Variants in ZFP3 observed in about 807,000 individuals in gnomAD.
ZFP3 encodes the protein zinc finger protein 3 homolog.
ZFP3 carries 18 observed loss-of-function variants against 36.7 expected under a neutral mutation model. The observed-to-expected ratio is 0.49, with a 90% CI of 0.34 to 0.73. The LOEUF (loss-of-function observed/expected upper bound fraction) is 0.73, where lower values mean the gene tolerates loss of function less well. Ranked by LOEUF, ZFP3 falls within the 30% of genes least tolerant of loss-of-function variation. The pLI, the probability that ZFP3 is intolerant of heterozygous loss-of-function variation, is 0.01. For missense variants in ZFP3, 495 were observed against 599.0 expected (o/e 0.83, Z 1.81); for synonymous variants, 218 against 199.0 (o/e 1.10, Z -0.81).
chr17:5,089,499 G>C (rs1380485272), intron 1 of ZFP3, among the ~76,000 whole-genome samples: 1 of 152,148 alleles, frequency 6.6e-6, no homozygotes, highest in Non-Finnish European at 1.5e-5. Flanking sequence ...AAATTAAAAA[G>C]CTGGGGAATG....
At position 5,092,716 on chromosome 17, in the gene ZFP3, G is replaced by A. The variant is rs1255689251; in HGVS notation, c.1212G>A (p.Arg404=). ...TTGAGTGTGGAAAGGCTTTCAGGCG[G>A]ACCTCTCACCTTATTGTCCACCAGA... The part of the protein sequence containing the change: ...ECFECGKAFR[R]TSHLIVHQRI... The change falls in exon 2 of 2, where the codon CGG becomes CGA. Residue 404 remains arginine, a synonymous_variant. Coordinates refer to ENST00000318833, the MANE Select transcript of ZFP3 (RefSeq NM_153018.3). This position sits in a 1 kb window ranked among gnomAD's most constrained non-coding sequence, Gnocchi z 5.0. 1 of 1,613,918 alleles carries A rather than the reference G, an allele frequency of 6.2e-7. No homozygotes were observed. The highest frequency in any genetic ancestry group is 8.5e-7 in the Non-Finnish European group (1 of 1,179,988).
Position 5,092,016 on chromosome 17 carries a change from G to A in ZFP3, c.512G>A (p.Cys171Tyr), listed in dbSNP as rs1373535617. 1.2e-6 allele frequency: 2 copies of A among 1,614,210 alleles called. No individual in the cohort carries two copies. Among genetic ancestry groups the A allele is most frequent in the Admixed American group, 3.3e-5 (2 of 60,028 alleles). The change falls in exon 2 of 2, where the codon TGT becomes TAT. Residue 171 changes from cysteine to tyrosine, a missense_variant. Transcript: ENST00000318833. This position sits in a 1 kb window ranked among gnomAD's most constrained non-coding sequence, Gnocchi z 5.0. ...CATAGTGGAGAAAAACCCTTTGAATGTAAAGAATGTGGAAAGACATTTGGA... is the reference window on the plus strand; with the variant it reads ...CATAGTGGAGAAAAACCCTTTGAATATAAAGAATGTGGAAAGACATTTGGA... ...RVHSGEKPFE[C>Y]KECGKTFGTN...
chr17:5,081,736 G>A (rs1309387460), intron 1 of ZFP3, among the ~76,000 whole-genome samples: 1 of 151,606 alleles, frequency 6.6e-6, no homozygotes, highest in Non-Finnish European at 1.5e-5. Flanking sequence ...CGAGTAGCTG[G>A]GACTACAGGT....
rs1275936825 is a variant in ZFP3, at chr17:5,092,596, C to G, written c.1092C>G (p.Pro364=). The part of the protein sequence containing the change: ...RHIRIHTGEK[P]YVCKECGKAF... ...TTAGAATTCATACTGGTGAGAAGCC[C>G]TATGTATGTAAGGAATGTGGGAAGG... The change falls in exon 2 of 2, where the codon CCC becomes CCG. Residue 364 remains proline, a synonymous_variant. Transcript: ENST00000318833. The surrounding 1 kb of genome is among the most constrained non-coding windows in gnomAD (Gnocchi z 5.0). 2 of 1,613,672 alleles carry G rather than the reference C, an allele frequency of 1.2e-6. No homozygotes were observed. The highest frequency in any genetic ancestry group is 1.3e-5 in the African/African-American group (1 of 74,858).
intron 1 of ZFP3, among the ~76,000 whole-genome samples, chr17:5,085,045 C>CT (rs1397108412): frequency 6.6e-6 from 1 of 152,060 alleles, no homozygotes; most frequent in East Asian, 1.9e-4. Flanking sequence ...GGAAGGCTTT[C>CT]TGTGTTTTTT....
chr17:5,084,555 G>A (rs1310607587), intron 1 of ZFP3, among the ~76,000 whole-genome samples: 5 of 151,944 alleles, frequency 3.3e-5, no homozygotes, highest in Admixed American at 6.6e-5. Flanking sequence ...GATTACAGGC[G>A]TGAGCCACCG....
In ZFP3 at chr17:5,092,441, GA is replaced by G; in HGVS notation, c.939del (p.Glu313AspfsTer234). On this transcript the variant is annotated frameshift_variant, in exon 2 of 2. Transcript: ENST00000318833. LOFTEE classifies it high-confidence loss of function. The surrounding 1 kb of genome is among the most constrained non-coding windows in gnomAD (Gnocchi z 5.0). ...TGGAGAAAAACCATATCTGTGTAATGAATGTGGGAAGGGCTTCGGGCAGAGT... is the reference window on the plus strand; with the variant it reads ...TGGAGAAAAACCATATCTGTGTAATGATGTGGGAAGGGCTTCGGGCAGAGT... Reference protein sequence around the residue: ...HTGEKPYLCNECGKGFGQSSE... With the variant: ...HTGEKPYLCNXCGKGFGQSSE... The G allele has an allele frequency of 6.2e-7, 1 of 1,614,230 alleles. No homozygotes were observed. The highest frequency in any genetic ancestry group is 8.5e-7 in the Non-Finnish European group (1 of 1,180,030).
chr17:5,082,551 G>C (rs934589099), intron 1 of ZFP3, among the ~76,000 whole-genome samples: 1 of 151,920 alleles, frequency 6.6e-6, no homozygotes, highest in Admixed American at 6.6e-5. Context: ...TTTGAGACAG[G>C]GTCTCTTATT....
At chr17:5,082,188 A>C (rs1424017165) in intron 1 of ZFP3, among the ~76,000 whole-genome samples, 4 of 151,792 alleles carry the variant, frequency 2.6e-5, no homozygotes, top group Non-Finnish European at 5.9e-5. Context: ...TCTACTAAAA[A>C]TATAAAAAAT....
chr17:5,085,514 G>A (rs866547187), intron 1 of ZFP3, among the ~76,000 whole-genome samples: 2 of 151,958 alleles, frequency 1.3e-5, no homozygotes, highest in East Asian at 1.9e-4. Context: ...GACTACAAGC[G>A]CCCGCCACCA....
rs2072079273 is a variant in ZFP3, at chr17:5,078,857, A to C, written c.-9+282A>C. ...AGCAGGGACACTCCCTTCTGTACCG[A>C]GGTGGGGACCCGTGGGAGCTGTGGT... On this transcript the variant is annotated intron_variant, in intron 1 of 1. Coordinates refer to ENST00000318833, the MANE Select transcript of ZFP3 (RefSeq NM_153018.3). The surrounding 1 kb of genome is among the most constrained non-coding windows in gnomAD (Gnocchi z 4.5). Among the ~76,000 whole-genome samples the C allele has an allele frequency of 6.6e-6, 1 of 152,074 alleles. No homozygotes were observed. Among genetic ancestry groups the C allele is most frequent in the Admixed American group, 6.5e-5 (1 of 15,282 alleles).
chr17:5,080,976 G>A (rs2072090041), intron 1 of ZFP3, among the ~76,000 whole-genome samples: 1 of 152,116 alleles, frequency 6.6e-6, no homozygotes, highest in African/African-American at 2.4e-5. Flanking sequence ...CACATGGTGA[G>A]AGCTTATCAT....
At chr17:5,087,253 T>C (rs1253873510) in intron 1 of ZFP3, among the ~76,000 whole-genome samples, 3 of 151,782 alleles carry the variant, frequency 2.0e-5, no homozygotes, top group African/African-American at 4.8e-5. Context: ...GCTAAATTTT[T>C]AATTTGTAGA....
chr17:5,091,516 G>A lies in ZFP3; in HGVS notation c.12G>A (p.Glu4=). ...TTTCAGATTGTGAGATGGGGACTGA[G>A]AACAAGGAGGTGATTCCCAAGGAAG... MGT[E]NKEVIPKEEI... The change falls in exon 2 of 2, where the codon GAG becomes GAA. Residue 4 remains glutamate (E), a synonymous_variant. Coordinates refer to ENST00000318833, the MANE Select transcript of ZFP3 (RefSeq NM_153018.3). 1.2e-6 allele frequency: 2 copies of A among 1,613,868 alleles called. No homozygotes were observed. Among genetic ancestry groups the A allele is most frequent in the Non-Finnish European group, 1.7e-6 (2 of 1,179,864 alleles).
chr17:5,083,929 C>T (rs887966570), intron 1 of ZFP3, among the ~76,000 whole-genome samples: 7 of 149,964 alleles, frequency 4.7e-5, no homozygotes, highest in East Asian at 2.0e-4. Flanking sequence ...TGCAATGGTG[C>T]GATCTCAGCT....
At chr17:5,088,683 C>G (rs184213192) in intron 1 of ZFP3, among the ~76,000 whole-genome samples, 64 of 152,210 alleles carry the variant, frequency 4.2e-4, no homozygotes, top group African/African-American at 1.4e-3. Flanking sequence ...CTTCTGACCT[C>G]GTGATCCACC....
In ZFP3 at chr17:5,092,468, T is replaced by G. The variant is rs1344908416; in HGVS notation, c.964T>G (p.Ser322Ala). ...ATGTGGGAAGGGCTTCGGGCAGAGT[T>G]CTGAGCTTATCCGGCATCAGAGAAT... The part of the protein sequence containing the change: ...NECGKGFGQS[S>A]ELIRHQRIHT... Residue 322 changes from serine (S) to alanine (A), a missense_variant, in exon 2 of 2, where the codon TCT becomes GCT. Ser to Ala is a moderately conservative substitution (Grantham distance 99, BLOSUM62 1). This residue lies in a region of ZFP3 where 103 missense variants were observed against 186.8 expected (regional missense o/e 0.55). Coordinates refer to ENST00000318833, the MANE Select transcript of ZFP3 (RefSeq NM_153018.3). This position sits in a 1 kb window ranked among gnomAD's most constrained non-coding sequence, Gnocchi z 5.0. 3.1e-6 allele frequency: 5 copies of G among 1,614,174 alleles called. No individual in the cohort carries two copies. The highest frequency in any genetic ancestry group is 4.2e-6 in the Non-Finnish European group (5 of 1,180,016).
chr17:5,086,040 A>G (rs1008906453), intron 1 of ZFP3, among the ~76,000 whole-genome samples: 9 of 152,222 alleles, frequency 5.9e-5, no homozygotes, highest in Non-Finnish European at 1.0e-4. Context: ...AATTGTATAG[A>G]TACACATTAC....
chr17:5,087,326 C>T (rs2072126878), intron 1 of ZFP3, among the ~76,000 whole-genome samples: 1 of 152,086 alleles, frequency 6.6e-6, no homozygotes, highest in Non-Finnish European at 1.5e-5. Context: ...GATCCTCCCA[C>T]CTACTCCTCC....
Sources: allele counts gnomAD v4.1 joint callset (sites outside exome capture counted in the v4.1 genomes callset), GRCh38; gene constraint gnomAD v4.1.1; regional missense constraint gnomAD v4.1.1; non-coding constraint Gnocchi (gnomAD v3.1); transcripts MANE v1.5; gene names NCBI Gene and HGNC (gene_info 2026-07-23, HGNC 2026-07-21).